HSD17B3: variants seen among roughly 807,000 people sequenced by gnomAD.
HSD17B3 encodes the protein 17-beta-hydroxysteroid dehydrogenase type 3.
In HSD17B3, 29 loss-of-function variants were observed where a neutral mutation model predicts 41.1. The observed-to-expected ratio is 0.71, with a 90% CI of 0.53 to 0.96. The LOEUF (loss-of-function observed/expected upper bound fraction) is 0.96. HSD17B3 is among the 40% of genes least tolerant of loss of function. HSD17B3 has a pLI of 0.00. For synonymous variants in HSD17B3, 126 were observed against 145.6 expected, an observed-to-expected ratio of 0.87 and a Z score of 0.97; for missense variants, 323 against 374.6, an observed-to-expected ratio of 0.86 and a Z score of 1.14.
chr9:96,279,485 A>G (rs2130774834), intron 2 of HSD17B3, among the ~76,000 whole-genome samples: 1 of 152,308 alleles, frequency 6.6e-6, no homozygotes, highest in African/African-American at 2.4e-5. Flanking sequence ...TGTGGAGACC[A>G]AGGTGTTTAT....
intron 6 of HSD17B3, among the ~76,000 whole-genome samples, chr9:96,249,066 C>T (rs991962242): frequency 2.0e-5 from 3 of 151,982 alleles, no homozygotes; most frequent in Non-Finnish European, 4.4e-5. Flanking sequence ...CCACCATGCC[C>T]GGCTAATTTT....
chr9:96,264,665 G>A (rs1043867190), intron 2 of HSD17B3, among the ~76,000 whole-genome samples: 2 of 152,098 alleles, frequency 1.3e-5, no homozygotes, highest in African/African-American at 2.4e-5. Flanking sequence ...GAGCCACCAC[G>A]TCCAGCCCCC....
At chr9:96,295,644 C>G (rs1247686752) in intron 2 of HSD17B3, among the ~76,000 whole-genome samples, 1 of 152,104 alleles carries the variant, frequency 6.6e-6, no homozygotes, top group South Asian at 2.1e-4. Flanking sequence ...CCACGAGGAG[C>G]TTTTTTAACT....
intron 2 of HSD17B3, among the ~76,000 whole-genome samples, chr9:96,274,898 C>T (rs908152942): frequency 1.3e-5 from 2 of 151,906 alleles, no homozygotes; most frequent in Admixed American, 6.6e-5. Context: ...TTCATGACTC[C>T]CAAATCACCT....
intron 2 of HSD17B3, among the ~76,000 whole-genome samples, chr9:96,291,618 G>A (rs1341066263): frequency 1.3e-5 from 2 of 152,176 alleles, no homozygotes; most frequent in Non-Finnish European, 2.9e-5. Flanking sequence ...CCAACATAGA[G>A]ATGACACAGA....
intron 2 of HSD17B3, among the ~76,000 whole-genome samples, chr9:96,273,914 G>A (rs989016794): frequency 2.6e-5 from 4 of 152,182 alleles, no homozygotes; most frequent in Non-Finnish European, 5.9e-5. Context: ...AACCATAGGT[G>A]AGGGTGTTTC....
intron 2 of HSD17B3, among the ~76,000 whole-genome samples, chr9:96,276,621 T>C (rs1255227462): frequency 6.7e-6 from 1 of 150,348 alleles, no homozygotes; most frequent in Non-Finnish European, 1.5e-5. Context: ...AGTCAACTGA[T>C]TTTTAACAAA....
chr9:96,244,844 A>C (rs1367838810), intron 8 of HSD17B3, among the ~76,000 whole-genome samples: 4 of 152,306 alleles, frequency 2.6e-5, no homozygotes, highest in East Asian at 3.9e-4. Flanking sequence ...AAGGGAAAAA[A>C]TGAACCAGCT....
At chr9:96,293,209 T>C (rs1031533468) in intron 2 of HSD17B3, among the ~76,000 whole-genome samples, 3 of 152,220 alleles carry the variant, frequency 2.0e-5, no homozygotes, top group Non-Finnish European at 2.9e-5. Flanking sequence ...AGCTACTCCA[T>C]CAAACATTAT....
intron 1 of HSD17B3, among the ~76,000 whole-genome samples, chr9:96,300,209 GACAC>G (rs55707445): frequency 0.03 from 3,511 of 116,176 alleles, 97 homozygotes; most frequent in African/African-American, 0.069. Flanking sequence ...ACCCCAAGAG[GACAC>G]ACACACACAC....
intron 2 of HSD17B3, among the ~76,000 whole-genome samples, chr9:96,286,695 A>C (rs959865533): frequency 1.5e-5 from 2 of 136,538 alleles, no homozygotes; most frequent in Non-Finnish European, 3.4e-5. Context: ...GTCTCAAAAA[A>C]AAAAAACAAA....
At chr9:96,268,181 TC>T (rs1331069716) in intron 2 of HSD17B3, among the ~76,000 whole-genome samples, 1 of 152,204 alleles carries the variant, frequency 6.6e-6, no homozygotes, top group Non-Finnish European at 1.5e-5. Flanking sequence ...GGCCTTGGCC[TC>T]CCAAAGTGCT....
At chr9:96,297,749 A>G (rs1413010883) in intron 2 of HSD17B3, among the ~76,000 whole-genome samples, 1 of 152,204 alleles carries the variant, frequency 6.6e-6, no homozygotes, top group East Asian at 1.9e-4. Context: ...TAATAGGCAT[A>G]AGGAAGAAAT....
intron 1 of HSD17B3, among the ~76,000 whole-genome samples, chr9:96,300,200 C>T (rs988217901): frequency 1.8e-5 from 2 of 113,970 alleles, no homozygotes; most frequent in Non-Finnish European, 4.0e-5. Context: ...CAGCATAATA[C>T]CCCAAGAGGA....
intron 2 of HSD17B3, among the ~76,000 whole-genome samples, chr9:96,267,320 C>T (rs1436206609): frequency 3.3e-5 from 5 of 151,986 alleles, no homozygotes. Flanking sequence ...CCACGGCCAG[C>T]TACTTTTTTG....
chr9:96,272,625 G>A (rs77745943), intron 2 of HSD17B3, among the ~76,000 whole-genome samples: 2,004 of 150,634 alleles, frequency 0.013, 25 homozygotes, highest in South Asian at 0.027. Context: ...ACTGCTAGGG[G>A]AATACAGCAA....
chr9:96,286,198 G>T (rs1045314508), intron 2 of HSD17B3, among the ~76,000 whole-genome samples: 1 of 152,066 alleles, frequency 6.6e-6, no homozygotes, highest in Non-Finnish European at 1.5e-5. Flanking sequence ...ACAAAAATTA[G>T]CCAGGTGTGC....
chr9:96,298,488 A>C (rs752618911), intron 1 of HSD17B3, 26 bp from the exon 2 acceptor site: 1 of 1,601,646 alleles, frequency 6.2e-7, no homozygotes, highest in Non-Finnish European at 8.6e-7. Flanking sequence ...ATGCTTTTAA[A>C]AGACAGAATT....
chr9:96,294,910 C>T (rs1827287650), intron 2 of HSD17B3, among the ~76,000 whole-genome samples: 1 of 151,660 alleles, frequency 6.6e-6, no homozygotes, highest in African/African-American at 2.4e-5. Context: ...GCAAATAACT[C>T]CTTATCTTAA....
Sources: gnomAD v4.1 joint callset for allele counts (sites outside exome capture counted in the v4.1 genomes callset) on GRCh38, gnomAD v4.1.1 for gene constraint, MANE v1.5 for transcripts, NCBI Gene and HGNC (gene_info 2026-07-23, HGNC 2026-07-21) for gene names.